PPEF2: variants seen among roughly 807,000 people sequenced by gnomAD.
The protein encoded by PPEF2 is protein phosphatase with EF-hand domain 2.
Under a neutral mutation model 84.7 loss-of-function variants are expected in PPEF2, and 84 were observed. That is an observed-to-expected ratio of 0.99 (90% CI 0.83 to 1.19). The LOEUF is 1.19. PPEF2 is among the 50% of genes most tolerant of loss of function. PPEF2 has a pLI of 0.00. For synonymous variants in PPEF2, 346 were observed against 345.2 expected, an observed-to-expected ratio of 1.00 and a Z score of -0.03; for missense variants, 924 against 937.5, an observed-to-expected ratio of 0.99 and a Z score of 0.19.
In PPEF2 at chr4:75,878,338, C is replaced by T. The variant is rs534193932; in HGVS notation, c.934-1665G>A. On this transcript the variant is annotated intron_variant, in intron 10 of 16. Transcript: ENST00000286719. Reference sequence around the variant, plus strand: ...CGAGCAAAAAGAGAGAGCAGCCATTCCTGCTGTGCCTCAGTGCTATGGTGA... The same window carrying T: ...CGAGCAAAAAGAGAGAGCAGCCATTTCTGCTGTGCCTCAGTGCTATGGTGA... 2.6e-5 allele frequency among the ~76,000 whole-genome samples: 4 copies of T among 152,330 alleles called. No homozygotes were observed. In the South Asian group the frequency reaches 8.3e-4, roughly 32 times the overall value.
rs1724154056 is a variant in PPEF2, at chr4:75,867,321, T to C, written c.1748A>G (p.Asp583Gly). The change falls in exon 14 of 17, where the codon GAT becomes GGT. Residue 583 changes from aspartate to glycine, a missense_variant. By Grantham distance (94) the Asp-to-Gly change is moderately conservative. Transcript: ENST00000286719. ...LLSEFKKHDA[D>G]KVGLITLSDW... ...AACTTGATCATTCTTACCGACTTTA[T>C]CTGCATCATGCTTCTTAAATTCACT... 3.7e-6 allele frequency: 6 copies of C among 1,612,356 alleles called. No individual in the cohort carries two copies. Among genetic ancestry groups the C allele is most frequent in the Non-Finnish European group, 5.1e-6 (6 of 1,178,596 alleles).
At chr4:75,899,720 G>A (rs1560490722) in intron 1 of PPEF2, among the ~76,000 whole-genome samples, 1 of 152,140 alleles carries the variant, frequency 6.6e-6, no homozygotes, top group Non-Finnish European at 1.5e-5. Context: ...CTAGTTCTAT[G>A]AGATGTCATG....
At chr4:75,880,096 G>A (rs1363263858) in intron 10 of PPEF2, among the ~76,000 whole-genome samples, 3 of 152,156 alleles carry the variant, frequency 2.0e-5, no homozygotes, top group Non-Finnish European at 4.4e-5. Context: ...CCAAAATGCT[G>A]GGATTACAGG....
At chr4:75,896,454 C>T in intron 1 of PPEF2, 71 bp from the exon 2 acceptor site, 1 of 941,414 alleles carries the variant, frequency 1.1e-6, no homozygotes, top group South Asian at 1.4e-5. Flanking sequence ...GCCAAATTGT[C>T]TATGAATCAT....
intron 13 of PPEF2, among the ~76,000 whole-genome samples, chr4:75,870,766 A>C (rs1434322845): frequency 6.6e-6 from 1 of 152,186 alleles, no homozygotes; most frequent in Non-Finnish European, 1.5e-5. Context: ...AACTGAAATT[A>C]ATAACAATAT....
chr4:75,898,612 C>T (rs998927656), intron 1 of PPEF2, among the ~76,000 whole-genome samples: 1 of 152,222 alleles, frequency 6.6e-6, no homozygotes, highest in Non-Finnish European at 1.5e-5. Context: ...TGAGTTCCTT[C>T]AGAGAAAGAC....
intron 2 of PPEF2, among the ~76,000 whole-genome samples, chr4:75,894,131 T>G (rs1476882762): frequency 6.6e-6 from 1 of 152,148 alleles, no homozygotes; most frequent in Non-Finnish European, 1.5e-5. Flanking sequence ...ACCAAGGCAA[T>G]GCACAGTAGG....
intron 13 of PPEF2, among the ~76,000 whole-genome samples, chr4:75,868,424 T>C (rs779357836): frequency 1.3e-5 from 2 of 151,426 alleles, no homozygotes; most frequent in Non-Finnish European, 2.9e-5. Context: ...AGATAACCTA[T>C]CTTTTCCCGT....
At chr4:75,890,488 C>CATAAAAA (rs1724851658) in intron 4 of PPEF2, among the ~76,000 whole-genome samples, 1 of 124,598 alleles carries the variant, frequency 8.0e-6, no homozygotes, top group Non-Finnish European at 1.7e-5. Flanking sequence ...GACCCTGTCT[C>CATAAAAA]AAAAAAAAAA....
chr4:75,888,079 A>T, intron 6 of PPEF2, 135 bp downstream of exon 6: 1 of 660,736 alleles, frequency 1.5e-6, no homozygotes, highest in Admixed American at 2.4e-5. Context: ...GAATATGCAA[A>T]TTGTGGACCT....
Position 75,860,306 on chromosome 4 carries a change from C to T in PPEF2, c.*361G>A. On this transcript the variant is annotated 3_prime_UTR_variant, in exon 17 of 17. Transcript: ENST00000286719. Reference sequence around the variant, plus strand: ...GCGGTGAGCCGAGATCGCGCCAATGCACTCCAGCCTGGGCAACAAGAGAGA... The same window carrying T: ...GCGGTGAGCCGAGATCGCGCCAATGTACTCCAGCCTGGGCAACAAGAGAGA... 4.3e-6 allele frequency: 1 copy of T among 232,088 alleles called. No individual in the cohort carries two copies. The highest frequency in any genetic ancestry group is 8.5e-6 in the Non-Finnish European group (1 of 117,756). 14.4% of individuals were successfully genotyped at this position (232,088 alleles called of 1,614,324 possible).
intron 5 of PPEF2, among the ~76,000 whole-genome samples, chr4:75,888,561 T>C (rs1724793658): frequency 6.6e-6 from 1 of 152,234 alleles, no homozygotes; most frequent in Admixed American, 6.5e-5. Flanking sequence ...TACTTTTCTC[T>C]TTCCTTTCTA....
At chr4:75,877,548 C>G (rs1430488126) in intron 10 of PPEF2, among the ~76,000 whole-genome samples, 1 of 152,072 alleles carries the variant, frequency 6.6e-6, no homozygotes, top group Admixed American at 6.6e-5. Context: ...CTGTTCCTGG[C>G]CTGGGACAAG....
intron 4 of PPEF2, among the ~76,000 whole-genome samples, chr4:75,890,833 C>T (rs992046181): frequency 6.6e-6 from 1 of 152,196 alleles, no homozygotes; most frequent in Non-Finnish European, 1.5e-5. Context: ...ATTGGCATCT[C>T]CAGACTGAGG....
chr4:75,875,027 G>A (rs1459235379), intron 11 of PPEF2, among the ~76,000 whole-genome samples: 3 of 150,852 alleles, frequency 2.0e-5, no homozygotes, highest in Admixed American at 6.6e-5. Context: ...TCAGCCTCCC[G>A]AATAGCTGGG....
intron 16 of PPEF2, among the ~76,000 whole-genome samples, chr4:75,862,088 T>C (rs1368745812): frequency 2.1e-5 from 3 of 145,968 alleles, no homozygotes; most frequent in Non-Finnish European, 3.0e-5. Context: ...AGGTCAGGAG[T>C]TTAAGACCAG....
rs1053851470 is a variant in PPEF2 at position 75,860,296 on chromosome 4, C to T, written c.*371G>A. 1.4e-5 allele frequency: 3 copies of T among 213,156 alleles called. No homozygotes were observed. Among genetic ancestry groups the T allele is most frequent in the Admixed American group, 5.4e-5 (1 of 18,350 alleles). 13.2% of individuals were successfully genotyped at this position (213,156 alleles called of 1,614,324 possible). On this transcript the variant is annotated 3_prime_UTR_variant, in exon 17 of 17. Coordinates refer to ENST00000286719, the MANE Select transcript of PPEF2 (RefSeq NM_006239.3). Reference sequence around the variant, plus strand: ...GGCGGACTTTGCGGTGAGCCGAGATCGCGCCAATGCACTCCAGCCTGGGCA... The same window carrying T: ...GGCGGACTTTGCGGTGAGCCGAGATTGCGCCAATGCACTCCAGCCTGGGCA...
intron 11 of PPEF2, among the ~76,000 whole-genome samples, chr4:75,874,365 G>C (rs1724358327): frequency 6.6e-6 from 1 of 150,728 alleles, no homozygotes; most frequent in Admixed American, 6.6e-5. Context: ...GTGCAATCTC[G>C]GCTCACTGCA....
At chr4:75,875,199 C>T (rs1724379334) in intron 11 of PPEF2, among the ~76,000 whole-genome samples, 1 of 152,136 alleles carries the variant, frequency 6.6e-6, no homozygotes, top group Non-Finnish European at 1.5e-5. Context: ...GCCACTGCGC[C>T]CGGCTGAATT....
Sources: allele counts gnomAD v4.1 joint callset (sites outside exome capture counted in the v4.1 genomes callset), GRCh38; gene constraint gnomAD v4.1.1; transcripts MANE v1.5; gene names NCBI Gene and HGNC (gene_info 2026-07-23, HGNC 2026-07-21).